DGKB: variants seen among roughly 807,000 people sequenced by gnomAD.
DGKB encodes the protein diacylglycerol kinase beta.
In DGKB, 67 loss-of-function variants were observed where a neutral mutation model predicts 114.3. The ratio of observed to expected loss-of-function variants is 0.59; its 90% CI spans 0.48 to 0.72. The LOEUF is 0.72. Among genes scored for constraint, DGKB ranks in the 30% least tolerant of loss-of-function variants. The pLI is 0.00. For synonymous variants in DGKB, 398 were observed against 323.1 expected (o/e 1.23, Z -2.49); for missense variants, 907 against 975.2 (o/e 0.93, Z 0.93).
chr7:14,679,966 G>A (rs1000022485), intron 12 of DGKB, among the ~76,000 whole-genome samples: 1 of 151,946 alleles, frequency 6.6e-6, no homozygotes, highest in African/African-American at 2.4e-5. Flanking sequence ...TGACTTTTGA[G>A]AAACTGATAG....
chr7:14,407,937 A>G (rs1341155215), intron 21 of DGKB, among the ~76,000 whole-genome samples: 1 of 152,084 alleles, frequency 6.6e-6, no homozygotes, highest in East Asian at 1.9e-4. Flanking sequence ...TTAGAAGAAT[A>G]ACAGTCTGGA....
At chr7:14,405,310 T>G (rs1446087044) in intron 21 of DGKB, among the ~76,000 whole-genome samples, 1 of 152,046 alleles carries the variant, frequency 6.6e-6, no homozygotes, top group Non-Finnish European at 1.5e-5. Context: ...GAACCTGCTT[T>G]TTAAATACAG....
In DGKB at chr7:14,803,180, G is replaced by A. The variant is rs145437015; in HGVS notation, c.70+38014C>T. ...TGGTCTTGAACTCCTGGCCTCAAGC[G>A]ATCCTCCTGCCTCATCCTCTGGAGC... On this transcript the variant is annotated intron_variant, in intron 2 of 25. Transcript: ENST00000402815. 2.0e-3 allele frequency among the ~76,000 whole-genome samples: 303 copies of A among 151,950 alleles called. 3 individuals are homozygous for A. The highest frequency in any genetic ancestry group is 0.014 in the Middle Eastern group (4 of 292).
At chr7:14,213,221 A>G (rs1207221704) in intron 23 of DGKB, among the ~76,000 whole-genome samples, 2 of 152,134 alleles carry the variant, frequency 1.3e-5, no homozygotes, top group African/African-American at 2.4e-5. Flanking sequence ...TGCCCAAAAT[A>G]CCACAGTATA....
intron 2 of DGKB, among the ~76,000 whole-genome samples, chr7:14,775,215 A>AAT (rs371148846): frequency 6.6e-5 from 10 of 151,190 alleles, no homozygotes; most frequent in South Asian, 2.1e-4. Flanking sequence ...TTTTCATGTT[A>AAT]ATATATATAT....
chr7:14,589,347 A>G, intron 17 of DGKB, among the ~76,000 whole-genome samples: 1 of 152,014 alleles, frequency 6.6e-6, no homozygotes, highest in East Asian at 1.9e-4. Context: ...CAATGGTATT[A>G]TTAGTAATCT....
intron 5 of DGKB, among the ~76,000 whole-genome samples, chr7:14,726,018 T>C (rs1829972962): frequency 6.6e-6 from 1 of 152,206 alleles, no homozygotes; most frequent in African/African-American, 2.4e-5. Flanking sequence ...CAATAGTTAA[T>C]AAAATACATA....
chr7:14,642,750 T>C (rs2128877255), intron 13 of DGKB, among the ~76,000 whole-genome samples: 1 of 152,336 alleles, frequency 6.6e-6, no homozygotes. Flanking sequence ...ACTTACTACA[T>C]TTTATTTTGC....
chr7:14,951,875 T>C, intron 1 of DGKB, among the ~76,000 whole-genome samples: 1 of 151,972 alleles, frequency 6.6e-6, no homozygotes, highest in Non-Finnish European at 1.5e-5. Context: ...ATCTGTTCCC[T>C]GAAAACCATA....
At chr7:14,606,788 A>G (rs1057415570) in intron 17 of DGKB, among the ~76,000 whole-genome samples, 37 of 152,048 alleles carry the variant, frequency 2.4e-4, no homozygotes, top group African/African-American at 8.9e-4. Context: ...TATACAGTTT[A>G]TGTTAAAAAT....
intron 25 of DGKB, among the ~76,000 whole-genome samples, chr7:14,155,100 C>T (rs943344539): frequency 6.6e-6 from 1 of 151,920 alleles, no homozygotes; most frequent in East Asian, 1.9e-4. Context: ...TTTGAGAAGC[C>T]CTAGCCTATT....
chr7:14,444,715 CT>C (rs1830507985), intron 21 of DGKB, among the ~76,000 whole-genome samples: 1 of 151,852 alleles, frequency 6.6e-6, no homozygotes, highest in Non-Finnish European at 1.5e-5. Context: ...ACTATCCCCA[CT>C]TTACAAATAT....
intron 4 of DGKB, among the ~76,000 whole-genome samples, chr7:14,741,029 A>G (rs1832512252): frequency 6.6e-6 from 1 of 152,178 alleles, no homozygotes; most frequent in South Asian, 2.1e-4. Context: ...TTACAGATGC[A>G]TTCTGAGCTG....
At chr7:14,678,687 A>G (rs531513582) in intron 12 of DGKB, among the ~76,000 whole-genome samples, 5 of 152,026 alleles carry the variant, frequency 3.3e-5, no homozygotes, top group Non-Finnish European at 7.4e-5. Flanking sequence ...ACAAACTAGT[A>G]TTTTCAGAAG....
At chr7:14,937,915 A>C (rs934709883) in intron 1 of DGKB, among the ~76,000 whole-genome samples, 4 of 152,120 alleles carry the variant, frequency 2.6e-5, no homozygotes, top group African/African-American at 9.7e-5. Context: ...TCTCTTCTCT[A>C]GCTTACTTTG....
chr7:14,557,749 T>A (rs959748989), intron 20 of DGKB, among the ~76,000 whole-genome samples: 17 of 151,982 alleles, frequency 1.1e-4, no homozygotes, highest in Non-Finnish European at 2.4e-4. Flanking sequence ...ATGATGCTTA[T>A]GGAAATTCTT....
intron 4 of DGKB, among the ~76,000 whole-genome samples, chr7:14,751,802 T>C (rs2128435440): frequency 6.6e-6 from 1 of 152,228 alleles, no homozygotes; most frequent in Middle Eastern, 3.4e-3. Flanking sequence ...GAAAATGAGG[T>C]CCTGAGAAAA....
intron 23 of DGKB, among the ~76,000 whole-genome samples, chr7:14,306,053 AT>A (rs374954499): frequency 6.6e-6 from 1 of 151,800 alleles, no homozygotes; most frequent in African/African-American, 2.4e-5. Context: ...AATCTAAGTG[AT>A]TTTTTTTCTT....
chr7:14,782,913 G>A (rs577360576), intron 2 of DGKB, among the ~76,000 whole-genome samples: 3 of 152,122 alleles, frequency 2.0e-5, no homozygotes, highest in Admixed American at 6.6e-5. Flanking sequence ...GCTCCCTTCT[G>A]CCTCGAAATT....
Sources: allele counts gnomAD v4.1 joint callset (sites outside exome capture counted in the v4.1 genomes callset), GRCh38; gene constraint gnomAD v4.1.1; transcripts MANE v1.5; gene names NCBI Gene and HGNC (gene_info 2026-07-23, HGNC 2026-07-21).